The following NPR3 variants were observed in gnomAD, a reference collection of about 807,000 sequenced individuals.
NPR3 encodes natriuretic peptide receptor 3.
Under a neutral mutation model 54.5 loss-of-function variants are expected in NPR3, and 34 were observed. The ratio of observed to expected loss-of-function variants is 0.62; its 90% CI spans 0.47 to 0.83. NPR3 has a LOEUF of 0.83. NPR3 is among the 40% of genes least tolerant of loss of function. NPR3 has a pLI of 0.00. For missense variants in NPR3, 674 were observed against 720.8 expected (o/e 0.94, Z 0.74); for synonymous variants, 289 against 297.1 (o/e 0.97, Z 0.28).
chr5:32,706,547 T>C (rs116161792), upstream of NPR3, among the ~76,000 whole-genome samples: 1,271 of 152,338 alleles, frequency 8.3e-3, 18 homozygotes, highest in African/African-American at 0.029. Flanking sequence ...TTGTTTATTT[T>C]GAGAGTGTTT....
At chr5:32,701,881 G>A (rs1182618876) in intron 1 of NPR3, among the ~76,000 whole-genome samples, 1 of 152,170 alleles carries the variant, frequency 6.6e-6, no homozygotes, top group Non-Finnish European at 1.5e-5. Context: ...AACAAACGGA[G>A]TCTCTCTCTC....
intron 2 of NPR3, among the ~76,000 whole-genome samples, chr5:32,735,788 C>G (rs6884392): frequency 0.059 from 8,930 of 152,262 alleles, 307 homozygotes; most frequent in Non-Finnish European, 0.072. Flanking sequence ...TGCTCAACAG[C>G]CCTGATATGG....
At chr5:32,708,319 CAAAT>C (rs995305752), upstream of NPR3, among the ~76,000 whole-genome samples, 8 of 152,008 alleles carry the variant, frequency 5.3e-5, no homozygotes, top group African/African-American at 9.7e-5. Context: ...AAAATTGAGT[CAAAT>C]AAATAAGTTA....
upstream of NPR3, among the ~76,000 whole-genome samples, chr5:32,706,077 T>C (rs1737976483): frequency 6.6e-6 from 1 of 152,074 alleles, no homozygotes; most frequent in African/African-American, 2.4e-5. Flanking sequence ...CCCTCATGAC[T>C]TGGTGCTGTC....
chr5:32,711,634 A>C lies in NPR3; in HGVS notation c.-143A>C. On this transcript the variant is annotated 5_prime_UTR_variant, in exon 1 of 8. Coordinates refer to ENST00000265074, the MANE Select transcript of NPR3 (RefSeq NM_001204375.2). The stretch of plus-strand genomic sequence containing the variant: ...CTTCCTCTCTATCTTTTGGCGCATT[A>C]GTGAAGGGGGTATTCTATTTTGTTA... The C allele has an allele frequency of 7.9e-7, 1 of 1,260,172 alleles. No individual in the cohort carries two copies. The highest frequency in any genetic ancestry group is 9.9e-7 in the Non-Finnish European group (1 of 1,007,762). 78.1% of individuals were successfully genotyped at this position (1,260,172 alleles called of 1,614,324 possible). A position where few individuals can be genotyped will look rare whatever the true frequency, so the allele number is the denominator to read the frequency against.
At chr5:32,728,837 GTATATATATATATATATATATATATATA>G (rs70961659) in intron 2 of NPR3, among the ~76,000 whole-genome samples, 2 of 48,012 alleles carry the variant, frequency 4.2e-5, no homozygotes, top group Non-Finnish European at 7.3e-5. Flanking sequence ...GTGTGTGTGT[GTATATATATATATATATATATATATATA>G]TATATATATA....
At chr5:32,705,420 A>C (rs1737961436), upstream of NPR3, among the ~76,000 whole-genome samples, 1 of 152,234 alleles carries the variant, frequency 6.6e-6, no homozygotes, top group Non-Finnish European at 1.5e-5. Context: ...TAATTGGCTC[A>C]CAGTTCTACA....
At chr5:32,708,953 T>G (rs569762892), upstream of NPR3, among the ~76,000 whole-genome samples, 1 of 150,150 alleles carries the variant, frequency 6.7e-6, no homozygotes, top group Non-Finnish European at 1.5e-5. Flanking sequence ...TGGTTTGGGG[T>G]CTCTTCCCTT....
At chr5:32,713,962 C>T (rs1398205370) in intron 1 of NPR3, among the ~76,000 whole-genome samples, 1 of 152,206 alleles carries the variant, frequency 6.6e-6, no homozygotes, top group East Asian at 1.9e-4. Context: ...AAAAAGGGCA[C>T]GTGTGTCCAA....
intron 3 of NPR3, among the ~76,000 whole-genome samples, chr5:32,739,396 G>T (rs1739928830): frequency 6.6e-6 from 1 of 152,100 alleles, no homozygotes; most frequent in Admixed American, 6.6e-5. Context: ...GGATGAAGGG[G>T]TGCCAAAGAT....
At chr5:32,696,444 T>C (rs1740534809) in intron 1 of NPR3, among the ~76,000 whole-genome samples, 1 of 145,604 alleles carries the variant, frequency 6.9e-6, no homozygotes, top group African/African-American at 2.5e-5. Context: ...TTCTTCCAGC[T>C]TTTTTTTTTT....
intron 7 of NPR3, 58 bp from the exon 8 acceptor site, chr5:32,786,176 G>A (rs1742605389): frequency 4.2e-6 from 3 of 718,688 alleles, no homozygotes; most frequent in Middle Eastern, 2.3e-4. Flanking sequence ...CTTTGTAAGA[G>A]AAACCATGGT....
chr5:32,710,776 C>A, upstream of NPR3: 1 of 1,544,412 alleles, frequency 6.5e-7, no homozygotes, highest in Non-Finnish European at 8.7e-7. Flanking sequence ...GTGGCCAGAA[C>A]GAGAAAGGTG....
At position 32,769,421 on chromosome 5, in the gene NPR3, C is replaced by G. The variant is rs182431636; in HGVS notation, c.1060-5287C>G. 2.5e-4 allele frequency among the ~76,000 whole-genome samples: 38 copies of G among 152,270 alleles called. No individual in the cohort carries two copies. In the East Asian group the frequency reaches 7.4e-3, roughly 30 times the overall value. On this transcript the variant is annotated intron_variant, in intron 3 of 7. Coordinates refer to ENST00000265074, the MANE Select transcript of NPR3 (RefSeq NM_001204375.2). ...ATTCAGGTCAGAGAAGGTGGTCCAG[C>G]CATTGTTCACTATGATGAGGGACAA... is the stretch of plus-strand genomic sequence containing the variant.
intron 4 of NPR3, among the ~76,000 whole-genome samples, chr5:32,776,860 G>A (rs1283739063): frequency 6.6e-6 from 1 of 152,130 alleles, no homozygotes; most frequent in African/African-American, 2.4e-5. Flanking sequence ...AAAATGCCAG[G>A]CAAGGAGGAG....
At chr5:32,737,772 G>C (rs1328228374) in intron 2 of NPR3, among the ~76,000 whole-genome samples, 1 of 152,082 alleles carries the variant, frequency 6.6e-6, no homozygotes, top group Non-Finnish European at 1.5e-5. Context: ...TTTTGTAAAA[G>C]AGAGACCTGT....
chr5:32,730,462 G>A (rs1277821290), intron 2 of NPR3, among the ~76,000 whole-genome samples: 1 of 152,088 alleles, frequency 6.6e-6, no homozygotes, highest in Non-Finnish European at 1.5e-5. Context: ...TTGCCACTGG[G>A]GGTTCTAGCC....
chr5:32,712,587 C>T (rs1579586746), intron 1 of NPR3, 42 bp downstream of exon 1: 1 of 1,489,462 alleles, frequency 6.7e-7, no homozygotes, highest in Non-Finnish European at 8.9e-7. Flanking sequence ...CTAACCCAAC[C>T]GCTCTCCGCG....
At chr5:32,723,137 A>G (rs924409137) in intron 1 of NPR3, among the ~76,000 whole-genome samples, 2 of 152,222 alleles carry the variant, frequency 1.3e-5, no homozygotes, top group Non-Finnish European at 2.9e-5. Flanking sequence ...GCTTTTACAA[A>G]GAACATACAC....
Sources: allele counts gnomAD v4.1 joint callset (sites outside exome capture counted in the v4.1 genomes callset), GRCh38; gene constraint gnomAD v4.1.1; transcripts MANE v1.5; gene names NCBI Gene and HGNC (gene_info 2026-07-23, HGNC 2026-07-21).